The following SAP130 variants were observed in gnomAD, a reference collection of about 807,000 sequenced individuals.
SAP130 encodes histone deacetylase complex subunit SAP130.
Under a neutral mutation model 103.2 loss-of-function variants are expected in SAP130, and 16 were observed. The observed-to-expected ratio is 0.16, with a 90% CI of 0.10 to 0.24. SAP130 has a LOEUF of 0.24. Among genes scored for constraint, SAP130 ranks in the 10% least tolerant of loss-of-function variants. The probability of loss-of-function intolerance (pLI) is 1.00; values close to 1 mark genes in which losing one functional copy is unlikely to be tolerated. For missense variants in SAP130, 990 were observed against 1,359.7 expected, an observed-to-expected ratio of 0.73 and a Z score of 4.28; for synonymous variants, 477 against 497.0, an observed-to-expected ratio of 0.96 and a Z score of 0.53.
chr2:127,944,211 T>A (rs1678907205), intron 19 of SAP130, among the ~76,000 whole-genome samples: 1 of 152,026 alleles, frequency 6.6e-6, no homozygotes, highest in African/African-American at 2.4e-5. Flanking sequence ...TAAAACACTT[T>A]TTTTTGTAGA....
intron 14 of SAP130, among the ~76,000 whole-genome samples, chr2:127,985,283 T>G (rs976647719): frequency 1.3e-5 from 2 of 152,250 alleles, no homozygotes; most frequent in Admixed American, 1.3e-4. Flanking sequence ...TGACTTATCC[T>G]TTAAAAAAGT....
chr2:127,968,668 A>G (rs1010368101), intron 15 of SAP130, among the ~76,000 whole-genome samples: 7 of 151,778 alleles, frequency 4.6e-5, no homozygotes, highest in Admixed American at 3.9e-4. Context: ...CAGGTGCACC[A>G]CTACGCCTGG....
At chr2:128,008,964 C>T (rs1056214021) in intron 7 of SAP130, among the ~76,000 whole-genome samples, 1 of 152,112 alleles carries the variant, frequency 6.6e-6, no homozygotes, top group African/African-American at 2.4e-5. Flanking sequence ...AGATTACATG[C>T]ATGAGCCATT....
At chr2:128,004,129 T>C (rs1683791312) in intron 7 of SAP130, among the ~76,000 whole-genome samples, 3 of 151,964 alleles carry the variant, frequency 2.0e-5, no homozygotes, top group African/African-American at 7.2e-5. Flanking sequence ...GACTAGCTTA[T>C]TTGGAGGACA....
chr2:128,027,414 C>T, intron 1 of SAP130: 2 of 1,127,318 alleles, frequency 1.8e-6, no homozygotes, highest in Non-Finnish European at 2.2e-6. Context: ...CACCCTCCCG[C>T]CGACTGCCAG....
Position 127,992,239 on chromosome 2 carries a change from T to C in SAP130, c.1477+948A>G, listed in dbSNP as rs186548672. On this transcript the variant is annotated intron_variant, in intron 12 of 20. Transcript: ENST00000643581. ...TGCCCACCATGGCCTCCCAAAGTGC[T>C]GGGATTACAGGCATCAGCCACAGCG... Among the ~76,000 whole-genome samples, 1,273 of 151,672 alleles carry C rather than the reference T, an allele frequency of 8.4e-3. 9 individuals are homozygous for C. The highest frequency in any genetic ancestry group is 0.013 in the Non-Finnish European group (874 of 67,948).
intron 11 of SAP130, among the ~76,000 whole-genome samples, chr2:127,994,020 A>G (rs565308542): frequency 6.6e-6 from 1 of 152,328 alleles, no homozygotes; most frequent in Admixed American, 6.5e-5. Flanking sequence ...CACTACAACA[A>G]CAAAAAAACC....
intron 19 of SAP130, among the ~76,000 whole-genome samples, chr2:127,944,134 A>T (rs4290600): frequency 9.2e-5 from 14 of 151,846 alleles, no homozygotes; most frequent in African/African-American, 3.4e-4. Context: ...CGGGCTCAAG[A>T]GTTCCTCCCA....
At chr2:127,961,329 G>A (rs1553503429) in intron 15 of SAP130, among the ~76,000 whole-genome samples, 1 of 144,406 alleles carries the variant, frequency 6.9e-6, no homozygotes, top group South Asian at 2.2e-4. Flanking sequence ...TTTAATTTTA[G>A]TAGAGACAAG....
chr2:128,001,379 A>C (rs1683548831), intron 7 of SAP130, among the ~76,000 whole-genome samples: 1 of 152,232 alleles, frequency 6.6e-6, no homozygotes, highest in Non-Finnish European at 1.5e-5. Flanking sequence ...CCAATAAAAT[A>C]AAATGCAAAG....
rs945888566 is a variant in SAP130 at position 127,986,500 on chromosome 2, A to C, written c.1958+285T>G. Among the ~76,000 whole-genome samples the C allele has an allele frequency of 8.5e-5, 13 of 152,232 alleles. No individual in the cohort carries two copies. Among genetic ancestry groups the C allele is most frequent in the African/African-American group, 3.1e-4 (13 of 41,472 alleles). The stretch of plus-strand genomic sequence containing the variant: ...AAGAGTTACTTATAAACTACTTTAA[A>C]AGTTCTATGATTGAAGTTCCAGAAC... On this transcript the variant is annotated intron_variant, in intron 14 of 20. Transcript: ENST00000643581. This position sits in a 1 kb window ranked among gnomAD's most constrained non-coding sequence, Gnocchi z 4.7.
chr2:127,947,771 T>TGTCTGTGTGTGTGA (rs1559028820), intron 18 of SAP130, among the ~76,000 whole-genome samples: 1 of 142,534 alleles, frequency 7.0e-6, no homozygotes, highest in Non-Finnish European at 1.5e-5. Flanking sequence ...TGTCTGTGTG[T>TGTCTGTGTGTGTGA]GTGTGTGTGT....
intron 5 of SAP130, 92 bp from the exon 6 acceptor site, chr2:128,013,246 A>C: frequency 1.4e-5 from 17 of 1,244,212 alleles, no homozygotes; most frequent in Non-Finnish European, 1.8e-5. Flanking sequence ...TAGCATGTCA[A>C]TATCGAGCTG....
intron 15 of SAP130, among the ~76,000 whole-genome samples, chr2:127,966,903 A>G (rs77355989): frequency 0.084 from 12,723 of 152,188 alleles, 984 homozygotes; most frequent in African/African-American, 0.2. Flanking sequence ...AACATTCTAA[A>G]TTCATATCAA....
chr2:127,998,875 G>C (rs1488245081), intron 10 of SAP130, among the ~76,000 whole-genome samples: 1 of 152,226 alleles, frequency 6.6e-6, no homozygotes, highest in African/African-American at 2.4e-5. Context: ...TTAAGCGTCT[G>C]GGCTTGGCTC....
Position 127,955,212 on chromosome 2 carries a change from G to C in SAP130, c.2196C>G (p.Thr732=). ...VPPTAQQPPP[T]IPTMIAAASP... ...TGGCTGCTGCAATCATAGTTGGAAT[G>C]GTCGGTGGGGGCTGCTGGGCAGTTG... The change falls in exon 16 of 21, where the codon ACC becomes ACG. Residue 732 remains threonine (T), a synonymous_variant. Transcript: ENST00000643581. The surrounding 1 kb of genome is among the most constrained non-coding windows in gnomAD (Gnocchi z 4.9). 1 of 1,614,132 alleles carries C rather than the reference G, an allele frequency of 6.2e-7. No individual in the cohort carries two copies. The highest frequency in any genetic ancestry group is 8.5e-7 in the Non-Finnish European group (1 of 1,180,016).
At chr2:127,979,234 C>T (rs1681690666) in intron 14 of SAP130, among the ~76,000 whole-genome samples, 1 of 152,168 alleles carries the variant, frequency 6.6e-6, no homozygotes, top group African/African-American at 2.4e-5. Flanking sequence ...ACACAAAGAT[C>T]AACAGCAGCC....
chr2:128,027,279 G>C (rs972197254), intron 1 of SAP130: 241 of 1,166,344 alleles, frequency 2.1e-4, no homozygotes, highest in Non-Finnish European at 2.5e-4. Flanking sequence ...GGCCGCCGCT[G>C]TGCTCGCAGT....
intron 6 of SAP130, among the ~76,000 whole-genome samples, chr2:128,011,286 A>G (rs1159462603): frequency 2.6e-5 from 4 of 152,262 alleles, no homozygotes; most frequent in African/African-American, 2.4e-5. Flanking sequence ...TCACATGGAC[A>G]GAGTGCCCTT....
Sources: allele counts gnomAD v4.1 joint callset (sites outside exome capture counted in the v4.1 genomes callset), GRCh38; gene constraint gnomAD v4.1.1; non-coding constraint Gnocchi (gnomAD v3.1); transcripts MANE v1.5; gene names NCBI Gene and HGNC (gene_info 2026-07-23, HGNC 2026-07-21).